The following IL16 variants were observed in gnomAD, a reference collection of about 807,000 sequenced individuals.
IL16 encodes pro-interleukin-16.
IL16 carries 67 observed loss-of-function variants against 110.1 expected under a neutral mutation model. The observed-to-expected ratio is 0.61, with a 90% CI of 0.50 to 0.75. IL16 has a LOEUF of 0.75. Ranked by LOEUF, IL16 falls within the 30% of genes least tolerant of loss-of-function variation. The pLI is 0.00. For missense variants in IL16, 1,545 were observed against 1,655.0 expected (o/e 0.93, Z 1.15); for synonymous variants, 689 against 662.9 (o/e 1.04, Z -0.61).
At position 81,218,885 on chromosome 15, in the gene IL16, A is replaced by G. The variant is rs1369397677; in HGVS notation, c.-101-6414A>G. 2.6e-5 allele frequency among the ~76,000 whole-genome samples: 4 copies of G among 151,954 alleles called. 1 individual carries two copies. Among genetic ancestry groups the G allele is most frequent in the Non-Finnish European group, 1.5e-5 (1 of 67,986 alleles). The stretch of plus-strand genomic sequence containing the variant: ...ATATATTTAACAAAATCTCCCATTC[A>G]TATACATTTAGGTTTTTTCTCCTCT... On this transcript the variant is annotated intron_variant, in intron 1 of 18. Coordinates refer to ENST00000683961, the MANE Select transcript of IL16 (RefSeq NM_172217.5).
Position 81,313,071 on chromosome 15 carries a change from A to G in IL16, c.*4273A>G, listed in dbSNP as rs1900948467. The G allele has an allele frequency of 1.7e-6, 1 of 572,706 alleles. No individual in the cohort carries two copies. The allele number at this position is 572,706 out of a possible 1,614,324, so 35.5% of individuals were successfully genotyped here. On this transcript the variant is annotated 3_prime_UTR_variant, in exon 19 of 19. Transcript: ENST00000683961. ...AATGGCTCATCACACGCCAACCCTG[A>G]GTGGGGCAGGAGGCAGGAAGGGTGG...
rs1900730943 is a variant in IL16, at chr15:81,309,271, T to G, written c.*473T>G. 1 of 155,296 alleles carries G rather than the reference T, an allele frequency of 6.4e-6. No homozygotes were observed. Among genetic ancestry groups the G allele is most frequent in the Non-Finnish European group, 1.4e-5 (1 of 70,126 alleles). 9.6% of individuals were successfully genotyped at this position (155,296 alleles called of 1,614,324 possible). A position where few individuals can be genotyped will look rare whatever the true frequency, so the allele number is the denominator to read the frequency against. On this transcript the variant is annotated 3_prime_UTR_variant, in exon 19 of 19. Coordinates refer to ENST00000683961, the MANE Select transcript of IL16 (RefSeq NM_172217.5). ...GCGTCATGCAAAGTCATGCAAAGGC[T>G]GGGACCACGTGAGATCATTCACTCA...
intron 4 of IL16, among the ~76,000 whole-genome samples, chr15:81,268,038 C>A (rs932547986): frequency 6.6e-6 from 1 of 152,230 alleles, no homozygotes; most frequent in African/African-American, 2.4e-5. Flanking sequence ...ACATTGTCTT[C>A]ATAACAGCCC....
intron 10 of IL16, among the ~76,000 whole-genome samples, chr15:81,289,569 T>C (rs8026299): frequency 5.7e-4 from 87 of 152,384 alleles, no homozygotes; most frequent in African/African-American, 2.0e-3. Flanking sequence ...TGGCTGTTTG[T>C]ATATCTTCTT....
chr15:81,259,124 A>G (rs572754420), intron 2 of IL16, among the ~76,000 whole-genome samples: 18 of 152,380 alleles, frequency 1.2e-4, no homozygotes, highest in African/African-American at 4.1e-4. Flanking sequence ...CCTAAATTAA[A>G]TATTTGCATA....
At chr15:81,288,408 T>C (rs1358058067) in intron 10 of IL16, among the ~76,000 whole-genome samples, 1 of 152,210 alleles carries the variant, frequency 6.6e-6, no homozygotes, top group African/African-American at 2.4e-5. Flanking sequence ...TGCCAGGCAT[T>C]GTGCCGCAGA....
chr15:81,271,185 G>A (rs1460365406), intron 5 of IL16, among the ~76,000 whole-genome samples: 1 of 152,088 alleles, frequency 6.6e-6, no homozygotes, highest in African/African-American at 2.4e-5. Context: ...CCAGCACTTT[G>A]GGAGGCCTCC....
chr15:81,300,605 CTT>C lies in IL16; in HGVS notation c.3149+132_3149+133del, dbSNP rs1224864740. The C allele has an allele frequency of 1.0e-4, 62 of 605,398 alleles. No individual in the cohort carries two copies. The South Asian group carries it at 1.4e-3, about 14-fold the overall frequency. The allele number at this position is 605,398 out of a possible 1,614,324, so 37.5% of individuals were successfully genotyped here. A position where few individuals can be genotyped will look rare whatever the true frequency, so the allele number is the denominator to read the frequency against. On this transcript the variant is annotated intron_variant, in intron 14 of 18. Transcript: ENST00000683961. ...TATTGATTAAAGAATTGTTCTGCCT[CTT>C]TCTTTCCATGTGTGTGCAGATGTCT... is the stretch of plus-strand genomic sequence containing the variant.
chr15:81,225,458 C>G lies in IL16; in HGVS notation c.59C>G (p.Ser20Cys), dbSNP rs1447786501. The stretch of plus-strand genomic sequence containing the variant: ...AAATCTGCAAAATTTCGGTCCATCT[C>G]CAGGTCCCTGATGCTCTGTAATGCT... Reference protein sequence around the residue: ...SRKSAKFRSISRSLMLCNAKT... With the variant: ...SRKSAKFRSICRSLMLCNAKT... Residue 20 changes from serine to cysteine, a missense_variant, in exon 2 of 19, where the codon TCC (serine) becomes TGC (cysteine). By Grantham distance (112) the Ser-to-Cys change is moderately radical. Transcript: ENST00000683961. The G allele has an allele frequency of 6.2e-7, 1 of 1,614,174 alleles. No homozygotes were observed. Among genetic ancestry groups the G allele is most frequent in the Non-Finnish European group, 8.5e-7 (1 of 1,180,012 alleles).
intron 7 of IL16, among the ~76,000 whole-genome samples, chr15:81,279,283 TCATCCATCTATCTATC>T (rs1419410157): frequency 1.3e-5 from 2 of 151,918 alleles, no homozygotes; most frequent in Non-Finnish European, 2.9e-5. Context: ...CTCTATCTAT[TCATCCATCTATCTATC>T]CATCCATCTA....
chr15:81,277,344 A>G (rs1898958974), intron 6 of IL16, among the ~76,000 whole-genome samples: 1 of 152,248 alleles, frequency 6.6e-6, no homozygotes, highest in African/African-American at 2.4e-5. Flanking sequence ...GACTTAAGGC[A>G]TGATATTTCT....
chr15:81,220,066 A>G (rs1896561827), intron 1 of IL16, among the ~76,000 whole-genome samples: 1 of 152,240 alleles, frequency 6.6e-6, no homozygotes, highest in Non-Finnish European at 1.5e-5. Flanking sequence ...CTGTCTTCCT[A>G]GTCCTGTGTA....
chr15:81,228,505 G>A (rs1896866011), intron 2 of IL16, among the ~76,000 whole-genome samples: 1 of 151,960 alleles, frequency 6.6e-6, no homozygotes, highest in Non-Finnish European at 1.5e-5. Flanking sequence ...AATATTTTTA[G>A]TAGAAATGGG....
intron 15 of IL16, 152 bp downstream of exon 15, chr15:81,301,664 C>A: frequency 1.8e-6 from 1 of 567,668 alleles, no homozygotes; most frequent in Non-Finnish European, 3.1e-6. Flanking sequence ...AGCACTTGAC[C>A]ACAGTAAGAC....
At chr15:81,293,205 G>A (rs1033971571) in intron 12 of IL16, among the ~76,000 whole-genome samples, 168 bp downstream of exon 12, 11 of 152,222 alleles carry the variant, frequency 7.2e-5, no homozygotes, top group African/African-American at 2.7e-4. Flanking sequence ...TGAAAAGATG[G>A]GTTTGAAGGT....
At chr15:81,195,815 G>C (rs1895583431), upstream of IL16, among the ~76,000 whole-genome samples, 1 of 152,182 alleles carries the variant, frequency 6.6e-6, no homozygotes, top group Non-Finnish European at 1.5e-5. Context: ...GAGATGTGTG[G>C]GATGCTCTTT....
chr15:81,212,737 G>A (rs759064761), intron 1 of IL16, among the ~76,000 whole-genome samples: 13 of 152,242 alleles, frequency 8.5e-5, no homozygotes, highest in Non-Finnish European at 1.6e-4. Context: ...CTCCAAAAGT[G>A]CCAGGATTAC....
At chr15:81,209,808 T>C (rs553750396) in intron 1 of IL16, among the ~76,000 whole-genome samples, 39 of 152,264 alleles carry the variant, frequency 2.6e-4, no homozygotes, top group African/African-American at 9.4e-4. Flanking sequence ...CAGGCGTGAC[T>C]CAGTTGGCCC....
chr15:81,225,641 C>A lies in IL16; in HGVS notation c.242C>A (p.Ser81Ter). Residue 81 changes from serine to a stop codon, truncating the protein, a stop_gained, in exon 2 of 19, where the codon TCG (serine) becomes TAG (stop). Transcript: ENST00000683961. LOFTEE classifies it high-confidence loss of function. ...PSSVPDLALA[S>*]EAAQLQAAGN... is the part of the protein sequence containing the mutation. ...AGTGTTCCTGATCTAGCACTGGCCT[C>A]GGAGGCTGCTCAACTCCAAGCAGCT... 2 of 1,614,036 alleles carry A rather than the reference C, an allele frequency of 1.2e-6. No homozygotes were observed. The highest frequency in any genetic ancestry group is 1.7e-6 in the Non-Finnish European group (2 of 1,179,988).
Sources: allele counts gnomAD v4.1 joint callset (sites outside exome capture counted in the v4.1 genomes callset), GRCh38; gene constraint gnomAD v4.1.1; transcripts MANE v1.5; gene names NCBI Gene and HGNC (gene_info 2026-07-23, HGNC 2026-07-21).